The following NUP93 variants were observed in gnomAD, a reference collection of about 807,000 sequenced individuals.
NUP93 encodes nucleoporin 93.
Under a neutral mutation model 107.8 loss-of-function variants are expected in NUP93, and 55 were observed. That is an observed-to-expected ratio of 0.51 (90% CI 0.41 to 0.64). The LOEUF (loss-of-function observed/expected upper bound fraction) is 0.64. Among genes scored for constraint, NUP93 ranks in the 30% least tolerant of loss-of-function variants. The pLI, the probability that NUP93 is intolerant of heterozygous loss-of-function variation, is 0.00. For synonymous variants in NUP93, 390 were observed against 397.5 expected, an observed-to-expected ratio of 0.98 and a Z score of 0.22; for missense variants, 937 against 1,044.7, an observed-to-expected ratio of 0.90 and a Z score of 1.42.
chr16:56,778,309 T>C (rs1285728287), intron 3 of NUP93, among the ~76,000 whole-genome samples: 1 of 152,140 alleles, frequency 6.6e-6, no homozygotes, highest in South Asian at 2.1e-4. Context: ...ATGGAAGTTA[T>C]GTGCTAAGAA....
chr16:56,820,133 C>G (rs1402286168), intron 6 of NUP93, among the ~76,000 whole-genome samples: 1 of 152,182 alleles, frequency 6.6e-6, no homozygotes, highest in Non-Finnish European at 1.5e-5. Flanking sequence ...TGTCATTAAA[C>G]TAACATTTCA....
At chr16:56,749,459 A>G (rs1209401152) in intron 2 of NUP93, among the ~76,000 whole-genome samples, 1 of 152,150 alleles carries the variant, frequency 6.6e-6, no homozygotes, top group Non-Finnish European at 1.5e-5. Flanking sequence ...ATGGAAGGGC[A>G]TGGGAGGATG....
chr16:56,840,199 T>C (rs1277532118), intron 20 of NUP93, among the ~76,000 whole-genome samples: 1 of 152,130 alleles, frequency 6.6e-6, no homozygotes, highest in Non-Finnish European at 1.5e-5. Flanking sequence ...TTTTTGTATA[T>C]TTAGTAGAGA....
chr16:56,762,557 T>C (rs1962145644), intron 3 of NUP93, among the ~76,000 whole-genome samples: 1 of 152,224 alleles, frequency 6.6e-6, no homozygotes, highest in African/African-American at 2.4e-5. Context: ...ACAACATGAA[T>C]AAATATGATG....
chr16:56,771,881 T>C (rs1333457528), intron 3 of NUP93, among the ~76,000 whole-genome samples: 3 of 152,194 alleles, frequency 2.0e-5, no homozygotes, highest in South Asian at 2.1e-4. Context: ...TTTGGAACTT[T>C]AGGTGGACTG....
At position 56,833,216 on chromosome 16, in the gene NUP93, C is replaced by A; in HGVS notation, c.1347C>A (p.Gly449=). ...CTCCTCTCCTCTCCTCTCTCCCAGG[C>A]GAGTCCCACTTTACGGTGAACCAGC... ...QFQKQLLEDY[G]ESHFTVNQQP... is the part of the protein sequence containing the mutation. The change falls in exon 13 of 22, where the codon GGC becomes GGA. Residue 449 remains glycine, a splice_region_variant and synonymous_variant. Transcript: ENST00000308159. The A allele has an allele frequency of 6.3e-7, 1 of 1,598,168 alleles. No homozygotes were observed. The highest frequency in any genetic ancestry group is 8.5e-7 in the Non-Finnish European group (1 of 1,174,504).
intron 7 of NUP93, 144 bp downstream of exon 7, chr16:56,821,737 T>A: frequency 3.7e-6 from 2 of 543,128 alleles, no homozygotes; most frequent in Non-Finnish European, 6.6e-6. Flanking sequence ...TTATTTTAAA[T>A]AACTTTGGGT....
intron 15 of NUP93, 118 bp downstream of exon 15, chr16:56,834,560 G>C (rs1235981233): frequency 4.1e-6 from 5 of 1,219,332 alleles, no homozygotes; most frequent in Non-Finnish European, 5.8e-6. Context: ...GGGAGTTTTT[G>C]GAGTTTCTTT....
At chr16:56,794,015 A>G (rs539217819) in intron 3 of NUP93, among the ~76,000 whole-genome samples, 2 of 152,122 alleles carry the variant, frequency 1.3e-5, no homozygotes, top group East Asian at 3.9e-4. Context: ...AGATCACGCC[A>G]CTGCACTCTA....
In NUP93 at chr16:56,839,507, G is replaced by A. The variant is rs1452800750; in HGVS notation, c.2137-14G>A. The A allele has an allele frequency of 1.3e-6, 2 of 1,595,980 alleles. No individual in the cohort carries two copies. Among genetic ancestry groups the A allele is most frequent in the Admixed American group, 3.5e-5 (2 of 56,588 alleles). ...ATGGTTGTGTTACATGGGGCCGGTG[G>A]TTGTTTTAAACAGATCATTGAGCGC... On this transcript the variant is annotated splice_polypyrimidine_tract_variant and intron_variant, in intron 19 of 21. Transcript: ENST00000308159.
chr16:56,839,677 C>A, intron 20 of NUP93, 73 bp downstream of exon 20: 2 of 1,168,600 alleles, frequency 1.7e-6, no homozygotes, highest in Non-Finnish European at 2.5e-6. Flanking sequence ...TTTTCCTGTA[C>A]CTAACAGCTT....
At chr16:56,840,497 C>A (rs1403428490) in intron 20 of NUP93, among the ~76,000 whole-genome samples, 2 of 152,166 alleles carry the variant, frequency 1.3e-5, no homozygotes, top group Admixed American at 6.5e-5. Flanking sequence ...ATGCCTACAC[C>A]CCAGAGATTC....
At chr16:56,750,284 CTG>C (rs1458958257) in intron 2 of NUP93, among the ~76,000 whole-genome samples, 3 of 152,074 alleles carry the variant, frequency 2.0e-5, no homozygotes, top group Non-Finnish European at 4.4e-5. Context: ...GGGCTGATGA[CTG>C]TGTTTTTCCA....
chr16:56,782,528 T>G (rs1962536162), intron 3 of NUP93: 2 of 152,264 alleles, frequency 1.3e-5, no homozygotes, highest in South Asian at 4.1e-4. Context: ...AGTAGTGTGG[T>G]CTTTAGGATT....
chr16:56,782,684 G>A (rs531678871), intron 3 of NUP93: 1 of 152,152 alleles, frequency 6.6e-6, no homozygotes, highest in South Asian at 2.1e-4. Context: ...TTGTGTCTGT[G>A]GTGTGTCTGT....
In NUP93 at chr16:56,830,621, G is replaced by T; in HGVS notation, c.1021G>T (p.Ala341Ser). 1 of 1,610,110 alleles carries T rather than the reference G, an allele frequency of 6.2e-7. No individual in the cohort carries two copies. Among genetic ancestry groups the T allele is most frequent in the Non-Finnish European group, 8.5e-7 (1 of 1,176,676 alleles). ...LLAASQVVNR[A>S]QHQLGEFKTW... ...TGCCGCTTCACAGGTAGTTAATCGA[G>T]CCCAGCACCAGCTGGGAGAGTTTAA... The change falls in exon 10 of 22, where the codon GCC becomes TCC. Residue 341 changes from alanine (A) to serine (S), a missense_variant. Ala to Ser is a moderately conservative substitution (Grantham distance 99). Coordinates refer to ENST00000308159, the MANE Select transcript of NUP93 (RefSeq NM_014669.5).
At position 56,839,504 on chromosome 16, in the gene NUP93, G is replaced by A. The variant is rs766285762; in HGVS notation, c.2137-17G>A. 4 of 1,594,610 alleles carry A rather than the reference G, an allele frequency of 2.5e-6. No homozygotes were observed. The Admixed American group carries it at 5.3e-5, about 21-fold the overall frequency. On this transcript the variant is annotated splice_polypyrimidine_tract_variant and intron_variant, in intron 19 of 21. Transcript: ENST00000308159. Reference sequence around the variant, plus strand: ...GTGATGGTTGTGTTACATGGGGCCGGTGGTTGTTTTAAACAGATCATTGAG... The same window carrying A: ...GTGATGGTTGTGTTACATGGGGCCGATGGTTGTTTTAAACAGATCATTGAG...
intron 7 of NUP93, 84 bp from the exon 8 acceptor site, chr16:56,823,623 C>T: frequency 6.7e-7 from 1 of 1,490,278 alleles, no homozygotes; most frequent in Non-Finnish European, 9.2e-7. Context: ...CATTCTGCCC[C>T]CTTTGGAGGT....
rs201640397 is a variant in NUP93, at chr16:56,832,268, A to G, written c.1252-27A>G. 21 of 1,588,068 alleles carry G rather than the reference A, an allele frequency of 1.3e-5. No homozygotes were observed. In the East Asian group the frequency reaches 4.2e-4, roughly 32 times the overall value. Reference sequence around the variant, plus strand: ...GTGGCTCAGGGTGTCATTTGTACCAATGCATGTGTTTCTCTTGGGGATTTA... The same window carrying G: ...GTGGCTCAGGGTGTCATTTGTACCAGTGCATGTGTTTCTCTTGGGGATTTA... On this transcript the variant is annotated intron_variant, in intron 11 of 21. Transcript: ENST00000308159.
Sources: gnomAD v4.1 joint callset for allele counts (sites outside exome capture counted in the v4.1 genomes callset) on GRCh38, gnomAD v4.1.1 for gene constraint, MANE v1.5 for transcripts, NCBI Gene and HGNC (gene_info 2026-07-23, HGNC 2026-07-21) for gene names.